The following GRXCR2 variants were observed in gnomAD, a reference collection of about 807,000 sequenced individuals.
GRXCR2 encodes glutaredoxin domain-containing cysteine-rich protein 2.
Under a neutral mutation model 24.8 loss-of-function variants are expected in GRXCR2, and 23 were observed. The ratio of observed to expected loss-of-function variants is 0.93; its 90% confidence interval spans 0.67 to 1.32. The LOEUF is 1.32. GRXCR2 is among the 40% of genes most tolerant of loss of function. The probability of loss-of-function intolerance (pLI) is 0.00; values close to 1 mark genes in which losing one functional copy is unlikely to be tolerated. For synonymous variants in GRXCR2, 130 were observed against 116.1 expected, an observed-to-expected ratio of 1.12 and a Z score of -0.77; for missense variants, 315 against 303.4, an observed-to-expected ratio of 1.04 and a Z score of -0.28.
Position 145,872,946 on chromosome 5 carries a change from A to G in GRXCR2, c.23T>C (p.Leu8Pro), listed in dbSNP as rs751204265. Residue 8 changes from leucine to proline, a missense_variant, in exon 1 of 3, where the codon CTG (leucine) becomes CCG (proline). Coordinates refer to ENST00000377976, the MANE Select transcript of GRXCR2 (RefSeq NM_001080516.2). ...GGGTTTGCCATCACTCTTCTGATTC[A>G]GCTTTTTCTCAGGGTCCTCCATCAG... The part of the protein sequence containing the change: MEDPEKK[L>P]NQKSDGKPRK... 45 of 1,614,004 alleles carry G rather than the reference A, an allele frequency of 2.8e-5. No homozygotes were observed. The highest frequency in any genetic ancestry group is 3.4e-5 in the Non-Finnish European group (40 of 1,179,952).
chr5:145,920,464 T>C (rs1444328989), intron 2 of GRXCR2, among the ~76,000 whole-genome samples: 3 of 152,224 alleles, frequency 2.0e-5, no homozygotes, highest in African/African-American at 4.8e-5. Flanking sequence ...ATGGAAATTA[T>C]TGGGCATTAT....
chr5:145,924,756 C>T (rs1340029219), intron 2 of GRXCR2, among the ~76,000 whole-genome samples: 2 of 152,106 alleles, frequency 1.3e-5, no homozygotes, highest in African/African-American at 2.4e-5. Flanking sequence ...TGGTTCTTTG[C>T]ACAGAATCTT....
upstream of GRXCR2, chr5:145,873,078 G>A: frequency 1.2e-6 from 1 of 830,586 alleles, no homozygotes; most frequent in Non-Finnish European, 1.9e-6. Context: ...ATTAATTCAA[G>A]TTGTTGCTGG....
rs774781797 is a variant in GRXCR2 at position 145,872,657 on chromosome 5, G to A, written c.312C>T (p.Asn104=). The change falls in exon 1 of 3, where the codon AAC becomes AAT. Residue 104 remains asparagine (N), a synonymous_variant. Transcript: ENST00000377976. ...CCTTATGGTCATTCGCCTTGTAATC[G>A]TTGAACCGAGGCTGGCCGCCTGCCA... The part of the protein sequence containing the change: ...YTLAGGQPRF[N]DYKANDHKPL... 31 of 1,605,488 alleles carry A rather than the reference G, an allele frequency of 1.9e-5. No homozygotes were observed. Among genetic ancestry groups the A allele is most frequent in the South Asian group, 1.3e-4 (12 of 90,614 alleles).
chr5:145,920,015 T>C (rs1026810548), intron 2 of GRXCR2, among the ~76,000 whole-genome samples: 5 of 152,198 alleles, frequency 3.3e-5, no homozygotes, highest in Non-Finnish European at 5.9e-5. Flanking sequence ...CACTTGGATG[T>C]GCGGCAGCGA....
intron 2 of GRXCR2, among the ~76,000 whole-genome samples, chr5:145,917,354 G>A (rs2149927461): frequency 6.6e-6 from 1 of 152,258 alleles, no homozygotes; most frequent in East Asian, 1.9e-4. Flanking sequence ...TCTCCCCACA[G>A]TTGGAGATCA....
chr5:145,929,819 C>G (rs1757455730), intron 2 of GRXCR2, among the ~76,000 whole-genome samples: 1 of 152,104 alleles, frequency 6.6e-6, no homozygotes, highest in Non-Finnish European at 1.5e-5. Context: ...AAGAATCTCT[C>G]ACCAGATGTA....
intron 2 of GRXCR2, among the ~76,000 whole-genome samples, chr5:145,928,335 G>C (rs982617540): frequency 6.6e-6 from 1 of 152,200 alleles, no homozygotes; most frequent in African/African-American, 2.4e-5. Context: ...CACTGTGGAA[G>C]TCAGTGTGGC....
chr5:145,910,179 A>G (rs974180753), intron 2 of GRXCR2, among the ~76,000 whole-genome samples: 2 of 152,220 alleles, frequency 1.3e-5, no homozygotes, highest in Non-Finnish European at 2.9e-5. Flanking sequence ...TGAATTCATT[A>G]CTAAAATAAA....
rs1561683094 is a variant in GRXCR2, at chr5:145,889,178, AAGAAAGAAAG to A, written c.-69-22460_-69-22451del. On this transcript the variant is annotated intron_variant, in intron 2 of 3. Transcript: ENST00000639411. Reference sequence around the variant, plus strand: ...ACCGAGACTCTGTCTCAAAAAAAGAAAGAAAGAAAGAAAGAAAGAAAGAAAGAAAGAAAGA... The same window carrying A: ...ACCGAGACTCTGTCTCAAAAAAAGAAAAAGAAAGAAAGAAAGAAAGAAAGA... Among the ~76,000 whole-genome samples, 79 of 105,122 alleles carry A rather than the reference AAGAAAGAAAG, an allele frequency of 7.5e-4. 1 individual carries two copies. The highest frequency in any genetic ancestry group is 1.2e-3 in the Admixed American group (13 of 11,274). The allele number at this position is 105,122 out of a possible 152,430, so 69.0% of individuals were successfully genotyped here. A position where few individuals can be genotyped will look rare whatever the true frequency, so the allele number is the denominator to read the frequency against.
At chr5:145,924,717 T>A (rs1404951974) in intron 2 of GRXCR2, among the ~76,000 whole-genome samples, 1 of 152,194 alleles carries the variant, frequency 6.6e-6, no homozygotes, top group African/African-American at 2.4e-5. Flanking sequence ...TGTTTCCTCA[T>A]CTGTAAGATG....
intron 2 of GRXCR2, among the ~76,000 whole-genome samples, chr5:145,862,569 G>A (rs1054535025): frequency 1.3e-5 from 2 of 152,064 alleles, no homozygotes; most frequent in African/African-American, 4.8e-5. Flanking sequence ...GAACATAGTT[G>A]CACAGCATAG....
At chr5:145,928,769 G>T (rs1407674259) in intron 2 of GRXCR2, among the ~76,000 whole-genome samples, 1 of 147,844 alleles carries the variant, frequency 6.8e-6, no homozygotes, top group South Asian at 2.3e-4. Context: ...GGGGGAGGGG[G>T]GAAGGATAGC....
chr5:145,868,932 G>C (rs959043499), intron 1 of GRXCR2, among the ~76,000 whole-genome samples: 3 of 152,170 alleles, frequency 2.0e-5, no homozygotes, highest in Non-Finnish European at 4.4e-5. Context: ...ATGTCAATGG[G>C]GAACACCCAG....
At chr5:145,894,654 CA>C (rs1384175317) in intron 2 of GRXCR2, among the ~76,000 whole-genome samples, 4 of 152,048 alleles carry the variant, frequency 2.6e-5, no homozygotes, top group African/African-American at 7.2e-5. Context: ...GCTTACCAAC[CA>C]AAAAAAGTCC....
At chr5:145,919,553 C>T (rs558857807) in intron 2 of GRXCR2, among the ~76,000 whole-genome samples, 146 of 152,232 alleles carry the variant, frequency 9.6e-4, no homozygotes, top group African/African-American at 3.4e-3. Context: ...TGGTATTTCT[C>T]GCGAATCAAT....
At chr5:145,862,777 C>T (rs1419583528) in intron 2 of GRXCR2, among the ~76,000 whole-genome samples, 1 of 152,148 alleles carries the variant, frequency 6.6e-6, no homozygotes, top group East Asian at 1.9e-4. Context: ...TGACTACTGG[C>T]TCTAATGATC....
At chr5:145,916,862 C>T (rs980780292) in intron 2 of GRXCR2, among the ~76,000 whole-genome samples, 1 of 152,088 alleles carries the variant, frequency 6.6e-6, no homozygotes, top group African/African-American at 2.4e-5. Context: ...CTAGAGCAAG[C>T]CCTTGACCAC....
intron 2 of GRXCR2, among the ~76,000 whole-genome samples, chr5:145,906,359 A>AG (rs202083136): frequency 2.7e-5 from 4 of 150,570 alleles, no homozygotes; most frequent in Admixed American, 1.3e-4. Context: ...AAAAAAAAAA[A>AG]GGGGGGTGCT....
Sources: gnomAD v4.1 joint callset for allele counts (sites outside exome capture counted in the v4.1 genomes callset) on GRCh38, gnomAD v4.1.1 for gene constraint, MANE v1.5 for transcripts, NCBI Gene and HGNC (gene_info 2026-07-23, HGNC 2026-07-21) for gene names.